The following CCDC7 variants were observed in gnomAD, a reference collection of about 807,000 sequenced individuals.
The protein encoded by CCDC7 is coiled-coil domain-containing protein 7.
Under a neutral mutation model 196.9 loss-of-function variants are expected in CCDC7, and 183 were observed. The ratio of observed to expected loss-of-function variants is 0.93; its 90% CI spans 0.82 to 1.05. The LOEUF (loss-of-function observed/expected upper bound fraction) is 1.05. Ranked by LOEUF, CCDC7 falls within the 50% of genes least tolerant of loss-of-function variation. The pLI, the probability that CCDC7 is intolerant of heterozygous loss-of-function variation, is 0.00. For synonymous variants in CCDC7, 525 were observed against 484.6 expected (o/e 1.08, Z -1.10); for missense variants, 1,540 against 1,482.2 (o/e 1.04, Z -0.64).
chr10:32,603,166 T>C (rs1167671844), intron 18 of CCDC7, among the ~76,000 whole-genome samples: 4 of 152,070 alleles, frequency 2.6e-5, no homozygotes, highest in African/African-American at 9.7e-5. Flanking sequence ...ATTCACTTTT[T>C]TTTTTTTTAG....
Position 32,836,880 on chromosome 10 carries a change from G to C in CCDC7, c.3352+1982G>C, listed in dbSNP as rs2092647510. 2.0e-5 allele frequency among the ~76,000 whole-genome samples: 3 copies of C among 152,060 alleles called. No individual in the cohort carries two copies. In the South Asian group the frequency reaches 6.2e-4, roughly 31 times the overall value. ...AAAACTGGCTAGCCATATGTAGAAA[G>C]CTGAAACTGGATCCCTTCCTTACAC... is the stretch of plus-strand genomic sequence containing the variant. On this transcript the variant is annotated intron_variant, in intron 33 of 41. Transcript: ENST00000639629.
chr10:32,709,270 A>G (rs968978713), intron 24 of CCDC7, among the ~76,000 whole-genome samples: 6 of 141,664 alleles, frequency 4.2e-5, no homozygotes. Flanking sequence ...GAATTGAACA[A>G]TGAGAACACT....
At chr10:32,659,783 C>T (rs1452684847) in intron 20 of CCDC7, among the ~76,000 whole-genome samples, 2 of 152,144 alleles carry the variant, frequency 1.3e-5, no homozygotes, top group Non-Finnish European at 1.5e-5. Context: ...GATGCCGTCT[C>T]ACACCAATCA....
chr10:32,592,371 T>C (rs568262847), intron 18 of CCDC7, among the ~76,000 whole-genome samples: 1 of 152,204 alleles, frequency 6.6e-6, no homozygotes, highest in African/African-American at 2.4e-5. Context: ...ATTTTTCTGC[T>C]AGCTTTGGAT....
intron 18 of CCDC7, among the ~76,000 whole-genome samples, chr10:32,614,810 C>T (rs1226392860): frequency 1.3e-5 from 2 of 152,150 alleles, no homozygotes; most frequent in Non-Finnish European, 2.9e-5. Flanking sequence ...TGATCTATCC[C>T]ACCCACTGCT....
intron 21 of CCDC7, among the ~76,000 whole-genome samples, chr10:32,678,679 G>A (rs2075394759): frequency 1.3e-5 from 2 of 152,186 alleles, no homozygotes; most frequent in South Asian, 4.1e-4. Flanking sequence ...ACCATAACAG[G>A]CTGGGAAAAG....
At chr10:32,511,670 G>T in intron 9 of CCDC7, 2 of 1,573,014 alleles carry the variant, frequency 1.3e-6, no homozygotes, top group Non-Finnish European at 1.7e-6. Flanking sequence ...AGCACCAATG[G>T]AATTCTCAAA....
chr10:32,767,913 A>G (rs984365030), intron 28 of CCDC7, among the ~76,000 whole-genome samples: 1 of 152,126 alleles, frequency 6.6e-6, no homozygotes, highest in Non-Finnish European at 1.5e-5. Context: ...TAACAAAGAG[A>G]TTGAAGTAAT....
At chr10:32,659,261 G>T (rs1397979361) in intron 20 of CCDC7, among the ~76,000 whole-genome samples, 6 of 151,982 alleles carry the variant, frequency 3.9e-5, no homozygotes, top group East Asian at 1.9e-4. Context: ...AGATATTTTT[G>T]ATTTTCCTTT....
chr10:32,533,245 A>AC (rs2049959860), intron 11 of CCDC7, among the ~76,000 whole-genome samples: 1 of 117,142 alleles, frequency 8.5e-6, no homozygotes, highest in Non-Finnish European at 1.9e-5. Context: ...GAAACAAAGG[A>AC]AACACACACA....
intron 20 of CCDC7, among the ~76,000 whole-genome samples, chr10:32,658,896 A>G (rs1057203691): frequency 1.3e-5 from 2 of 152,092 alleles, no homozygotes; most frequent in Non-Finnish European, 2.9e-5. Flanking sequence ...GTAATGTCTC[A>G]TCTCTCATTT....
intron 18 of CCDC7, among the ~76,000 whole-genome samples, chr10:32,594,502 C>G (rs1220319746): frequency 6.6e-6 from 1 of 152,170 alleles, no homozygotes; most frequent in Admixed American, 6.5e-5. Context: ...CAAACAGGGG[C>G]AATTTGACTT....
intron 29 of CCDC7, among the ~76,000 whole-genome samples, chr10:32,797,631 C>T (rs35387807): frequency 0.083 from 12,565 of 152,062 alleles, 561 homozygotes; most frequent in East Asian, 0.15. Flanking sequence ...ATATAACCAA[C>T]ACCACCTGTT....
At chr10:32,572,609 TACTA>T (rs1053522211) in intron 16 of CCDC7, among the ~76,000 whole-genome samples, 3 of 152,146 alleles carry the variant, frequency 2.0e-5, no homozygotes, top group Admixed American at 6.5e-5. Flanking sequence ...ATGTTTTAAA[TACTA>T]ACTAAACATA....
intron 32 of CCDC7, among the ~76,000 whole-genome samples, chr10:32,831,734 A>G (rs1423393992): frequency 6.6e-6 from 1 of 152,164 alleles, no homozygotes; most frequent in Non-Finnish European, 1.5e-5. Context: ...GTCTTCAGGG[A>G]AAGTAACACA....
intron 25 of CCDC7, 79 bp downstream of exon 26, chr10:32,711,809 G>A (rs1468051233): frequency 8.8e-6 from 6 of 683,308 alleles, no homozygotes; most frequent in Admixed American, 3.7e-5. Context: ...TCATACTTAC[G>A]TATTTGAGAA....
intron 39 of CCDC7, among the ~76,000 whole-genome samples, chr10:32,851,374 T>G (rs1423342636): frequency 6.6e-6 from 1 of 152,188 alleles, no homozygotes; most frequent in African/African-American, 2.4e-5. Context: ...CAAAGATTTA[T>G]TAAGTTTCTT....
At chr10:32,777,508 A>G (rs1355665034) in intron 28 of CCDC7, among the ~76,000 whole-genome samples, 1 of 149,854 alleles carries the variant, frequency 6.7e-6, no homozygotes, top group Non-Finnish European at 1.5e-5. Flanking sequence ...CAGTGTGTAC[A>G]TGTCCCCTTT....
rs567354829 is a variant in CCDC7, at chr10:32,876,289, A to T, written c.4112-58A>T. On this transcript the variant is annotated intron_variant, in intron 41 of 41. Coordinates refer to ENST00000639629, the Ensembl canonical transcript of CCDC7. Reference sequence around the variant, plus strand: ...CATGATATCATATACAATAAAAATTATATCAACTGGAGTAAAATTAAACTT... The same window carrying T: ...CATGATATCATATACAATAAAAATTTTATCAACTGGAGTAAAATTAAACTT... 15 of 1,277,774 alleles carry T rather than the reference A, an allele frequency of 1.2e-5. No homozygotes were observed. In the East Asian group the frequency reaches 3.6e-4, roughly 31 times the overall value. 79.2% of individuals were successfully genotyped at this position (1,277,774 alleles called of 1,614,324 possible).
Sources: allele counts gnomAD v4.1 joint callset (sites outside exome capture counted in the v4.1 genomes callset), GRCh38; gene constraint gnomAD v4.1.1; transcripts MANE v1.5; gene names NCBI Gene and HGNC (gene_info 2026-07-23, HGNC 2026-07-21).